The following MYH14 variants were observed in gnomAD, a reference collection of about 807,000 sequenced individuals.
MYH14 encodes the protein myosin-14.
MYH14 carries 123 observed loss-of-function variants against 255.5 expected under a neutral mutation model. The ratio of observed to expected loss-of-function variants is 0.48; its 90% CI spans 0.42 to 0.56. The LOEUF is 0.56. Ranked by LOEUF, MYH14 falls within the 20% of genes least tolerant of loss-of-function variation. The pLI, the probability that MYH14 is intolerant of heterozygous loss-of-function variation, is 0.00. For synonymous variants in MYH14, 1,095 were observed against 1,161.2 expected, an observed-to-expected ratio of 0.94 and a Z score of 1.16; for missense variants, 2,423 against 2,802.3, an observed-to-expected ratio of 0.86 and a Z score of 3.06.
In MYH14 at chr19:50,276,690, G is replaced by A; in HGVS notation, c.3681-67G>A. The A allele has an allele frequency of 1.9e-6, 3 of 1,602,498 alleles. No individual in the cohort carries two copies. Among genetic ancestry groups the A allele is most frequent in the Non-Finnish European group, 1.7e-6 (2 of 1,171,882 alleles). On this transcript the variant is annotated intron_variant, in intron 28 of 42. Coordinates refer to ENST00000642316, the MANE Select transcript of MYH14 (RefSeq NM_001145809.2). The surrounding 1 kb of genome is among the most constrained non-coding windows in gnomAD (Gnocchi z 4.3). ...GAAACATGAAAAGGAGAAACAACCA[G>A]CTCCCCCAAAGCCCCTGCCTTCCTC...
rs777587978 is a variant in MYH14, at chr19:50,276,826, G to T, written c.3750G>T (p.Ala1250=). ...TLEEETRIHE[A]AVQELRQRHG... is the part of the protein sequence containing the mutation. ...AGGAGGAGACTCGCATCCACGAGGC[G>T]GCAGTGCAGGAGCTGAGGCAGCGCC... Residue 1250 remains alanine, a synonymous_variant, in exon 29 of 43, where the codon GCG becomes GCT. Coordinates refer to ENST00000642316, the MANE Select transcript of MYH14 (RefSeq NM_001145809.2). This position sits in a 1 kb window ranked among gnomAD's most constrained non-coding sequence, Gnocchi z 4.3. The T allele has an allele frequency of 6.2e-7, 1 of 1,612,904 alleles. No individual in the cohort carries two copies. Among genetic ancestry groups the T allele is most frequent in the African/African-American group, 1.3e-5 (1 of 74,860 alleles).
rs2032559130 is a variant in MYH14 at position 50,217,687 on chromosome 19, G to A, written c.478G>A (p.Glu160Lys). 5.6e-6 allele frequency: 9 copies of A among 1,613,888 alleles called. No homozygotes were observed. The highest frequency in any genetic ancestry group is 7.6e-6 in the Non-Finnish European group (9 of 1,179,912). Reference protein sequence around the residue: ...QLPIYTEAIVEMYRGKKRHEV... With the variant: ...QLPIYTEAIVKMYRGKKRHEV... ...TCCCATCTACACAGAAGCCATTGTGGAGATGTACCGGGGCAAGAAGCGCCA... is the reference window on the plus strand; with the variant it reads ...TCCCATCTACACAGAAGCCATTGTGAAGATGTACCGGGGCAAGAAGCGCCA... Residue 160 changes from glutamate (E) to lysine (K), a missense_variant, in exon 3 of 43, where the codon GAG (glutamate) becomes AAG (lysine). By Grantham distance (56) the Glu-to-Lys change is moderately conservative. Coordinates refer to ENST00000642316, the MANE Select transcript of MYH14 (RefSeq NM_001145809.2).
At chr19:50,225,148 T>C (rs2033029573) in intron 6 of MYH14, among the ~76,000 whole-genome samples, 1 of 152,162 alleles carries the variant, frequency 6.6e-6, no homozygotes, top group Non-Finnish European at 1.5e-5. Flanking sequence ...GAAATTCCTG[T>C]TTCCTCCCCT....
intron 33 of MYH14, 157 bp from the exon 34 acceptor site, chr19:50,286,325 T>G: frequency 1.4e-6 from 1 of 697,540 alleles, no homozygotes; most frequent in South Asian, 2.0e-5. Context: ...TGGGACACGG[T>G]TGCAACTTTA....
chr19:50,289,701 G>T, intron 35 of MYH14, 53 bp downstream of exon 35: 1 of 1,514,824 alleles, frequency 6.6e-7, no homozygotes, highest in Non-Finnish European at 8.9e-7. Context: ...GTATGCCATG[G>T]TGTGTACAGG....
Position 50,261,565 on chromosome 19 carries a change from G to A in MYH14, c.2515G>A (p.Glu839Lys). Residue 839 changes from glutamate to lysine, a missense_variant, in exon 21 of 43, where the codon GAG becomes AAG. Coordinates refer to ENST00000642316, the MANE Select transcript of MYH14 (RefSeq NM_001145809.2). ...RAGVLAQLEE[E>K]RDLKVTDIIV... ...TGGGGTCCTGGCCCAGCTGGAAGAG[G>A]AGCGAGACCTGAAGGTCACCGACAT... is the stretch of plus-strand genomic sequence containing the variant. 3 of 1,602,462 alleles carry A rather than the reference G, an allele frequency of 1.9e-6. No individual in the cohort carries two copies. The highest frequency in any genetic ancestry group is 2.6e-6 in the Non-Finnish European group (3 of 1,176,270).
At position 50,272,485 on chromosome 19, in the gene MYH14, A is replaced by G. The variant is rs1651543; in HGVS notation, c.3296-75A>G. 1,304,731 of 1,459,656 alleles carry G rather than the reference A, an allele frequency of 0.89. 583,719 individuals carry two copies. The highest frequency in any genetic ancestry group is 0.97 in the East Asian group (39,387 of 40,438). The allele number at this position is 1,459,656 out of a possible 1,614,324, so 90.4% of individuals were successfully genotyped here. On this transcript the variant is annotated intron_variant, in intron 26 of 42. Transcript: ENST00000642316. ...AGCTTAGCCTTATATGTGACTGGGG[A>G]CCTGTGGTCTCTGTGAGAGCGGCTG...
intron 17 of MYH14, 141 bp downstream of exon 17, chr19:50,255,459 C>T: frequency 3.0e-6 from 2 of 676,596 alleles, no homozygotes; most frequent in Non-Finnish European, 5.2e-6. Flanking sequence ...TCCTTGTTGG[C>T]TCCCTTGGAA....
chr19:50,221,957 T>C lies in MYH14; in HGVS notation c.563-1126T>C, dbSNP rs1426306187. Among the ~76,000 whole-genome samples, 1 of 152,120 alleles carries C rather than the reference T, an allele frequency of 6.6e-6. No individual in the cohort carries two copies. Among genetic ancestry groups the C allele is most frequent in the African/African-American group, 2.4e-5 (1 of 41,422 alleles). On this transcript the variant is annotated intron_variant, in intron 3 of 42. Transcript: ENST00000642316. This position sits in a 1 kb window ranked among gnomAD's most constrained non-coding sequence, Gnocchi z 5.3. The stretch of plus-strand genomic sequence containing the variant: ...GCTCCTTCCCCCAAGTCAATTCTTA[T>C]TACCTAACACCAGGGTTTTGGAATC...
At chr19:50,259,328 G>A (rs780912802) in intron 19 of MYH14, 63 bp downstream of exon 19, 13 of 1,541,802 alleles carry the variant, frequency 8.4e-6, no homozygotes, top group African/African-American at 2.7e-5. Flanking sequence ...TCTGGAAGCC[G>A]ACACACCTGC....
At position 50,210,701 on chromosome 19, in the gene MYH14, G is replaced by A. The variant is rs1435760375; in HGVS notation, c.336G>A (p.Glu112=). Residue 112 remains glutamate, a synonymous_variant, in exon 2 of 43, where the codon GAG becomes GAA. Transcript: ENST00000642316. ...PKFSKAEDMA[E]LTCLNEASVL... ...TCAGCAAGGCCGAGGACATGGCCGAGCTGACCTGCCTCAACGAGGCCTCGG... is the reference window on the plus strand; with the variant it reads ...TCAGCAAGGCCGAGGACATGGCCGAACTGACCTGCCTCAACGAGGCCTCGG... The A allele has an allele frequency of 1.3e-6, 2 of 1,569,596 alleles. No homozygotes were observed. The highest frequency in any genetic ancestry group is 2.7e-5 in the African/African-American group (2 of 73,356).
In MYH14 at chr19:50,223,349, C is replaced by T. The variant is rs373744231; in HGVS notation, c.693C>T (p.Pro231=). Residue 231 remains proline (P), a splice_region_variant and synonymous_variant, in exon 5 of 43, where the codon CCC becomes CCT. Transcript: ENST00000642316. ...SPKGRKEPGV[P]ASVSTVSYGE... Reference sequence around the variant, plus strand: ...AGGGCAGGAAGGAGCCGGGTGTCCCCGTAAGCAACCCCGCCTTGGGTCACC... The same window carrying T: ...AGGGCAGGAAGGAGCCGGGTGTCCCTGTAAGCAACCCCGCCTTGGGTCACC... 132 of 1,563,996 alleles carry T rather than the reference C, an allele frequency of 8.4e-5. No homozygotes were observed. The highest frequency in any genetic ancestry group is 1.7e-4 in the Middle Eastern group (1 of 6,026).
chr19:50,230,948 C>T lies in MYH14; in HGVS notation c.973+325C>T, dbSNP rs1486453767. On this transcript the variant is annotated intron_variant, in intron 9 of 42. Transcript: ENST00000642316. This position sits in a 1 kb window ranked among gnomAD's most constrained non-coding sequence, Gnocchi z 4.7. ...TCTCTCGCGCGGCTTCTCCTCACTC[C>T]GGCGGGTGACTCCGGCTTTGCTGAG... 9.0e-6 allele frequency: 3 copies of T among 332,238 alleles called. No homozygotes were observed. The highest frequency in any genetic ancestry group is 2.1e-5 in the African/African-American group (1 of 46,932). 20.6% of individuals were successfully genotyped at this position (332,238 alleles called of 1,614,324 possible). A position where few individuals can be genotyped will look rare whatever the true frequency, so the allele number is the denominator to read the frequency against.
chr19:50,304,418 C>T (rs1471914885), intron 40 of MYH14, among the ~76,000 whole-genome samples: 1 of 152,086 alleles, frequency 6.6e-6, no homozygotes, highest in East Asian at 1.9e-4. Context: ...GATGAAACCC[C>T]GTCTCTACCA....
chr19:50,289,433 C>T lies in MYH14; in HGVS notation c.4753-3C>T. 6.2e-7 allele frequency: 1 copy of T among 1,604,506 alleles called. No individual in the cohort carries two copies. The highest frequency in any genetic ancestry group is 1.1e-5 in the South Asian group (1 of 88,988). On this transcript the variant is annotated splice_region_variant and splice_polypyrimidine_tract_variant and intron_variant, in intron 34 of 42. Transcript: ENST00000642316. Reference sequence around the variant, plus strand: ...GGTACCCAGCAGCTACTCTCCCCACCAGGTGCATGAGCTGGAACGAGCCTG... The same window carrying T: ...GGTACCCAGCAGCTACTCTCCCCACTAGGTGCATGAGCTGGAACGAGCCTG...
At chr19:50,271,657 C>T in intron 25 of MYH14, 111 bp downstream of exon 25, 1 of 1,485,810 alleles carries the variant, frequency 6.7e-7, no homozygotes, top group Non-Finnish European at 9.1e-7. Flanking sequence ...CAGGTGTGCA[C>T]CGGTGGGGGT....
At chr19:50,267,371 C>G (rs1039080203) in intron 23 of MYH14, among the ~76,000 whole-genome samples, 10 of 152,044 alleles carry the variant, frequency 6.6e-5, no homozygotes, top group African/African-American at 2.2e-4. Flanking sequence ...ATAACTGTTT[C>G]CAGTATTTCA....
intron 27 of MYH14, among the ~76,000 whole-genome samples, chr19:50,273,299 A>G (rs903494741): frequency 6.7e-6 from 1 of 149,352 alleles, no homozygotes; most frequent in African/African-American, 2.5e-5. Context: ...TCAAAAAAAA[A>G]AAAAAAAAAA....
chr19:50,257,853 G>T (rs2034648832), intron 18 of MYH14, among the ~76,000 whole-genome samples: 1 of 152,152 alleles, frequency 6.6e-6, no homozygotes, highest in African/African-American at 2.4e-5. Flanking sequence ...GGCTTGATCT[G>T]GTCAGTGAAG....
Sources: gnomAD v4.1 joint callset for allele counts (sites outside exome capture counted in the v4.1 genomes callset) on GRCh38, gnomAD v4.1.1 for gene constraint, Gnocchi (gnomAD v3.1) non-coding constraint, MANE v1.5 for transcripts, NCBI Gene and HGNC (gene_info 2026-07-23, HGNC 2026-07-21) for gene names.